The following IFT88 variants were observed in gnomAD, a reference collection of about 807,000 sequenced individuals.
IFT88 encodes the protein intraflagellar transport 88, also known as intraflagellar transport protein 88 homolog.
Under a neutral mutation model 119.5 loss-of-function variants are expected in IFT88, and 74 were observed. The observed-to-expected ratio is 0.62, with a 90% CI of 0.51 to 0.75. The LOEUF is 0.75. Among genes scored for constraint, IFT88 ranks in the 30% least tolerant of loss-of-function variants. The pLI, the probability that IFT88 is intolerant of heterozygous loss-of-function variation, is 0.00. For synonymous variants in IFT88, 279 were observed against 316.7 expected (o/e 0.88, Z 1.26); for missense variants, 961 against 977.7 (o/e 0.98, Z 0.23).
At chr13:20,596,633 A>G (rs1259811215) in intron 8 of IFT88, among the ~76,000 whole-genome samples, 1 of 152,218 alleles carries the variant, frequency 6.6e-6, no homozygotes, top group Non-Finnish European at 1.5e-5. Context: ...TAAGTAAACT[A>G]AAAAATTAGT....
intron 17 of IFT88, among the ~76,000 whole-genome samples, chr13:20,640,571 A>AAAAT (rs57789982): frequency 0.4 from 56,885 of 143,862 alleles, 12,249 homozygotes; most frequent in Non-Finnish European, 0.5. Flanking sequence ...ACTCCGTCTC[A>AAAAT]AAATAAATAA....
chr13:20,583,527 A>C (rs1328656919), intron 3 of IFT88, among the ~76,000 whole-genome samples: 3 of 152,204 alleles, frequency 2.0e-5, no homozygotes, highest in Non-Finnish European at 4.4e-5. Flanking sequence ...TATTCTGGAT[A>C]TTAATGTCTT....
intron 16 of IFT88, among the ~76,000 whole-genome samples, chr13:20,637,002 C>T (rs544453575): frequency 3.9e-5 from 6 of 152,092 alleles, no homozygotes; most frequent in Non-Finnish European, 2.9e-5. Context: ...AAAACATGGA[C>T]GAACCTTAAA....
At chr13:20,601,979 T>C in intron 12 of IFT88, 46 bp downstream of exon 12, 1 of 1,079,516 alleles carries the variant, frequency 9.3e-7, no homozygotes, top group Non-Finnish European at 1.4e-6. Context: ...CACTTATCTG[T>C]GCTTTTCTGT....
chr13:20,635,530 G>A (rs755702743), intron 16 of IFT88, among the ~76,000 whole-genome samples: 16 of 152,172 alleles, frequency 1.1e-4, no homozygotes, highest in Non-Finnish European at 1.5e-4. Flanking sequence ...CTGCTCCCTC[G>A]GAGTGGCCCC....
chr13:20,639,666 C>G (rs966898705), intron 17 of IFT88, among the ~76,000 whole-genome samples: 9 of 151,988 alleles, frequency 5.9e-5, no homozygotes, highest in Admixed American at 2.6e-4. Flanking sequence ...CTAGATATAT[C>G]CTTATTTATT....
intron 16 of IFT88, among the ~76,000 whole-genome samples, chr13:20,637,381 A>G (rs1456223665): frequency 6.6e-6 from 1 of 152,168 alleles, no homozygotes; most frequent in Non-Finnish European, 1.5e-5. Context: ...GTTGTGAAGG[A>G]GCCATGGCGG....
At chr13:20,677,212 A>G (rs192154092) in intron 24 of IFT88, among the ~76,000 whole-genome samples, 1 of 152,294 alleles carries the variant, frequency 6.6e-6, no homozygotes, top group Non-Finnish European at 1.5e-5. Flanking sequence ...CCTATACAGT[A>G]GCTATCGGCG....
intron 13 of IFT88, among the ~76,000 whole-genome samples, chr13:20,615,130 T>C (rs938744486): frequency 6.6e-6 from 1 of 152,206 alleles, no homozygotes; most frequent in Non-Finnish European, 1.5e-5. Context: ...AGATTATTTC[T>C]ATATTAATAC....
intron 13 of IFT88, chr13:20,614,377 T>G (rs1394527530): frequency 6.6e-6 from 1 of 152,198 alleles, no homozygotes; most frequent in Non-Finnish European, 1.5e-5. Flanking sequence ...ACATGGATAT[T>G]ACTCAGCAAC....
At chr13:20,610,449 G>A (rs962139058) in intron 13 of IFT88, among the ~76,000 whole-genome samples, 1 of 152,054 alleles carries the variant, frequency 6.6e-6, no homozygotes. Flanking sequence ...GACAGGAAAC[G>A]GGGATAATTT....
intron 23 of IFT88, among the ~76,000 whole-genome samples, chr13:20,666,442 A>G (rs2054694634): frequency 6.6e-6 from 1 of 152,200 alleles, no homozygotes; most frequent in Non-Finnish European, 1.5e-5. Context: ...AGTGGTTTCC[A>G]GACCCCACTC....
intron 16 of IFT88, among the ~76,000 whole-genome samples, chr13:20,633,255 A>G (rs1047233884): frequency 2.6e-5 from 4 of 152,178 alleles, no homozygotes; most frequent in Non-Finnish European, 4.4e-5. Flanking sequence ...TGGCTAGGGA[A>G]ACCTCAGGAA....
At chr13:20,584,506 G>A (rs949816624) in intron 3 of IFT88, among the ~76,000 whole-genome samples, 3 of 151,682 alleles carry the variant, frequency 2.0e-5, no homozygotes, top group Non-Finnish European at 4.4e-5. Flanking sequence ...AAAACATTGG[G>A]GCTTAATTTA....
intron 24 of IFT88, among the ~76,000 whole-genome samples, chr13:20,672,040 G>A (rs901580015): frequency 3.3e-5 from 5 of 152,144 alleles, no homozygotes; most frequent in Non-Finnish European, 5.9e-5. Flanking sequence ...GAATCTAGTT[G>A]GAAAGACACA....
At chr13:20,671,117 A>C in intron 24 of IFT88, 78 bp downstream of exon 24, 1 of 1,141,842 alleles carries the variant, frequency 8.8e-7, no homozygotes, top group South Asian at 1.3e-5. Flanking sequence ...TCTTGCAATA[A>C]TCTAAAGTGT....
chr13:20,624,329 A>G (rs939837174), intron 14 of IFT88, among the ~76,000 whole-genome samples: 1 of 152,030 alleles, frequency 6.6e-6, no homozygotes, highest in South Asian at 2.1e-4. Flanking sequence ...TGGAGCTGCC[A>G]TTTCCTCCCT....
chr13:20,569,863 C>CTAAAAA (rs543159590), intron 1 of IFT88, among the ~76,000 whole-genome samples: 54 of 151,274 alleles, frequency 3.6e-4, no homozygotes, highest in South Asian at 6.3e-4. Flanking sequence ...CCCATCTCTA[C>CTAAAAA]TAAAAATAAA....
chr13:20,667,137 G>A (rs1480119210), intron 23 of IFT88, among the ~76,000 whole-genome samples: 1 of 152,100 alleles, frequency 6.6e-6, no homozygotes, highest in African/African-American at 2.4e-5. Context: ...GTCAATCATT[G>A]TTTAAATGCT....
Sources: allele counts gnomAD v4.1 joint callset (sites outside exome capture counted in the v4.1 genomes callset), GRCh38; gene constraint gnomAD v4.1.1; transcripts MANE v1.5; gene names NCBI Gene and HGNC (gene_info 2026-07-23, HGNC 2026-07-21).